The following SYT7 variants were observed in gnomAD, a reference collection of about 807,000 sequenced individuals.
The protein encoded by SYT7 is synaptotagmin 7.
In SYT7, 29 loss-of-function variants were observed where a neutral mutation model predicts 75.1. The observed-to-expected ratio is 0.39, with a 90% CI of 0.29 to 0.53. SYT7 has a LOEUF of 0.53. Among genes scored for constraint, SYT7 ranks in the 20% least tolerant of loss-of-function variants. The pLI is 0.77. For synonymous variants in SYT7, 376 were observed against 401.7 expected, an observed-to-expected ratio of 0.94 and a Z score of 0.76; for missense variants, 693 against 953.2, an observed-to-expected ratio of 0.73 and a Z score of 3.59.
At chr11:61,569,241 C>A (rs988489949) in intron 1 of SYT7, among the ~76,000 whole-genome samples, 2 of 152,204 alleles carry the variant, frequency 1.3e-5, no homozygotes, top group Non-Finnish European at 2.9e-5. Context: ...CGGCCCTGGA[C>A]TGACCCTTTT....
At position 61,581,007 on chromosome 11, in the gene SYT7, C is replaced by G. The variant is rs1460825671; in HGVS notation, c.-187G>C. 3.2e-6 allele frequency: 3 copies of G among 945,090 alleles called. No homozygotes were observed. The African/African-American group carries it at 5.4e-5, about 17-fold the overall frequency. 58.5% of individuals were successfully genotyped at this position (945,090 alleles called of 1,614,324 possible). ...CCGCCCGCCAGCCCTCCCGCCCGCC[C>G]GCGGAGCACGCTGCCGCCGCCGCCG... is the stretch of plus-strand genomic sequence containing the variant. On this transcript the variant is annotated 5_prime_UTR_variant, in exon 1 of 13. Coordinates refer to ENST00000539008, the MANE Select transcript of SYT7 (RefSeq NM_001365809.2).
Position 61,556,188 on chromosome 11 carries a change from G to A in SYT7, c.51C>T (p.Val17=). The A allele has an allele frequency of 1.9e-6, 3 of 1,613,738 alleles. No homozygotes were observed. Among genetic ancestry groups the A allele is most frequent in the Non-Finnish European group, 2.5e-6 (3 of 1,179,884 alleles). The change falls in exon 2 of 13, where the codon GTC becomes GTT. Residue 17 remains valine (V), a synonymous_variant. Coordinates refer to ENST00000539008, the MANE Select transcript of SYT7 (RefSeq NM_001365809.2). ...CGGTGATGATGGCAGAGACCAGCAGGACGTCGCGCGAGGGCGCCCCTGGGG... is the reference window on the plus strand; with the variant it reads ...CGGTGATGATGGCAGAGACCAGCAGAACGTCGCGCGAGGGCGCCCCTGGGG... The part of the protein sequence containing the change: ...AASPGAPSRD[V]LLVSAIITVS...
chr11:61,567,335 A>G (rs2063796645), intron 1 of SYT7, among the ~76,000 whole-genome samples: 1 of 142,270 alleles, frequency 7.0e-6, no homozygotes, highest in African/African-American at 3.1e-5. Context: ...GGAGCCATTG[A>G]GCGCCCCGCC....
intron 12 of SYT7, among the ~76,000 whole-genome samples, chr11:61,521,631 T>C (rs984829728): frequency 2.0e-5 from 3 of 152,172 alleles, no homozygotes; most frequent in Non-Finnish European, 4.4e-5. Context: ...AGGTGAGTTC[T>C]CCATTCCCAT....
the SYT7 span, among the ~76,000 whole-genome samples, chr11:61,588,140 G>A: frequency 6.6e-6 from 1 of 152,172 alleles, no homozygotes; most frequent in African/African-American, 2.4e-5. Flanking sequence ...CACTCCGAGA[G>A]CTGGGCGAGT....
At position 61,536,861 on chromosome 11, in the gene SYT7, G is replaced by A. The variant is rs189322627; in HGVS notation, c.1064+1283C>T. On this transcript the variant is annotated intron_variant, in intron 7 of 12. Coordinates refer to ENST00000539008, the MANE Select transcript of SYT7 (RefSeq NM_001365809.2). ...GGACAGTCCCTTCTGGCCCCTAGGG[G>A]CCTCTCAAGAGCCTCAGGATGGCCT... Among the ~76,000 whole-genome samples, 211 of 152,288 alleles carry A rather than the reference G, an allele frequency of 1.4e-3. 3 individuals are homozygous for A. Among genetic ancestry groups the A allele is most frequent in the Middle Eastern group, 3.4e-3 (1 of 294 alleles).
chr11:61,566,825 G>C (rs2063782003), intron 1 of SYT7, among the ~76,000 whole-genome samples: 1 of 152,214 alleles, frequency 6.6e-6, no homozygotes, highest in South Asian at 2.1e-4. Flanking sequence ...GGAACTGTAT[G>C]CTATGTTTCA....
Position 61,514,396 on chromosome 11 carries a change from G to A in SYT7, c.*4231C>T, listed in dbSNP as rs1043300475. On this transcript the variant is annotated 3_prime_UTR_variant, in exon 13 of 13. Transcript: ENST00000539008. ...TGGATGGGGTACTTAGTGCAGCTCC[G>A]GGAGGCAGCTGCTGGCCCCAAGTGC... Among the ~76,000 whole-genome samples the A allele has an allele frequency of 1.5e-4, 23 of 152,328 alleles. No homozygotes were observed. The East Asian group carries it at 1.7e-3, about 12-fold the overall frequency.
At chr11:61,586,429 G>A in the SYT7 span, among the ~76,000 whole-genome samples, 1 of 152,180 alleles carries the variant, frequency 6.6e-6, no homozygotes, top group Non-Finnish European at 1.5e-5. Context: ...GATGCACTGT[G>A]GAAGCACCTC....
In SYT7 at chr11:61,546,804, C is replaced by G. The variant is rs916151972; in HGVS notation, c.347+373G>C. ...CGACCACCGAGCAGCCACGGCAGCA[C>G]ACAGCGGGGAGGAAGAAGCGACCAC... is the stretch of plus-strand genomic sequence containing the variant. On this transcript the variant is annotated intron_variant, in intron 4 of 12. Transcript: ENST00000539008. The surrounding 1 kb of genome is among the most constrained non-coding windows in gnomAD (Gnocchi z 7.6). The G allele has an allele frequency of 1.3e-5, 5 of 374,414 alleles. No homozygotes were observed. Among genetic ancestry groups the G allele is most frequent in the South Asian group, 1.0e-4 (5 of 49,562 alleles). 23.2% of individuals were successfully genotyped at this position (374,414 alleles called of 1,614,324 possible). A position where few individuals can be genotyped will look rare whatever the true frequency, so the allele number is the denominator to read the frequency against.
chr11:61,547,682 G>C (rs928982210), intron 3 of SYT7, among the ~76,000 whole-genome samples: 4 of 151,934 alleles, frequency 2.6e-5, no homozygotes, highest in Admixed American at 6.6e-5. Flanking sequence ...TGGGGATGAG[G>C]CCTGGGGTGA....
rs984243841 is a variant in SYT7, at chr11:61,542,714, C to T, written c.573-135G>A. ...CTGCCGGACCTCGCCAGGCCTCCATCGGAGCTGTCGCCACCGCCGTCGCCG... is the reference window on the plus strand; with the variant it reads ...CTGCCGGACCTCGCCAGGCCTCCATTGGAGCTGTCGCCACCGCCGTCGCCG... On this transcript the variant is annotated intron_variant, in intron 5 of 12. Coordinates refer to ENST00000539008, the MANE Select transcript of SYT7 (RefSeq NM_001365809.2). The surrounding 1 kb of genome is among the most constrained non-coding windows in gnomAD (Gnocchi z 7.8). The T allele has an allele frequency of 2.2e-6, 3 of 1,361,312 alleles. No homozygotes were observed. Among genetic ancestry groups the T allele is most frequent in the East Asian group, 2.9e-5 (1 of 33,982 alleles). 84.3% of individuals were successfully genotyped at this position (1,361,312 alleles called of 1,614,324 possible).
rs1171498409 is a variant in SYT7 at position 61,524,434 on chromosome 11, G to C, written c.1570C>G (p.Pro524Ala). 2 of 1,614,020 alleles carry C rather than the reference G, an allele frequency of 1.2e-6. No homozygotes were observed. Among genetic ancestry groups the C allele is most frequent in the Non-Finnish European group, 1.7e-6 (2 of 1,179,930 alleles). ...TGGGTCAGGTCCACCTTGTTAAGGG[G>C]GATGGACACCTCCCCAATGGGGTCG... is the stretch of plus-strand genomic sequence containing the variant. ...RNDPIGEVSI[P>A]LNKVDLTQMQ... The change falls in exon 10 of 13, where the codon CCC (proline) becomes GCC (alanine). Residue 524 changes from proline (P) to alanine (A), a missense_variant. By Grantham distance (27) the Pro-to-Ala change is conservative (BLOSUM62 -1). Coordinates refer to ENST00000539008, the MANE Select transcript of SYT7 (RefSeq NM_001365809.2). This position sits in a 1 kb window ranked among gnomAD's most constrained non-coding sequence, Gnocchi z 4.1.
In SYT7 at chr11:61,542,542, C is replaced by G; in HGVS notation, c.610G>C (p.Glu204Gln). Residue 204 changes from glutamate to glutamine, a missense_variant, in exon 6 of 13, where the codon GAG (glutamate) becomes CAG (glutamine). By Grantham distance (29) the Glu-to-Gln change is conservative. This residue lies in a region of SYT7 where 487 missense variants were observed against 593.2 expected (regional missense o/e 0.82). Transcript: ENST00000539008. The surrounding 1 kb of genome is among the most constrained non-coding windows in gnomAD (Gnocchi z 7.8). The stretch of plus-strand genomic sequence containing the variant: ...TCTCCCGTGGAGCTGGGGATAGACT[C>G]AAGGGTAGTGGCCGTGGACAGGGTG... The part of the protein sequence containing the change: ...DSTLSTATTL[E>Q]SIPSSTGEPK... 1 of 1,525,908 alleles carries G rather than the reference C, an allele frequency of 6.6e-7. No homozygotes were observed. Among genetic ancestry groups the G allele is most frequent in the Non-Finnish European group, 8.8e-7 (1 of 1,141,004 alleles). 94.5% of individuals were successfully genotyped at this position (1,525,908 alleles called of 1,614,324 possible).
At position 61,513,812 on chromosome 11, in the gene SYT7, C is replaced by T. The variant is rs954735509; in HGVS notation, c.*4815G>A. On this transcript the variant is annotated 3_prime_UTR_variant, in exon 13 of 13. Coordinates refer to ENST00000539008, the MANE Select transcript of SYT7 (RefSeq NM_001365809.2). ...CTGCCCAGGGGGCTCACAATCTACA[C>T]AAGACACGACACATACACGCAGGAC... Among the ~76,000 whole-genome samples, 1 of 152,328 alleles carries T rather than the reference C, an allele frequency of 6.6e-6. No individual in the cohort carries two copies. The highest frequency in any genetic ancestry group is 1.9e-4 in the East Asian group (1 of 5,178).
At chr11:61,520,324 G>A (rs2062281663) in intron 12 of SYT7, among the ~76,000 whole-genome samples, 1 of 152,036 alleles carries the variant, frequency 6.6e-6, no homozygotes, top group African/African-American at 2.4e-5. Flanking sequence ...AGGAGTTTGA[G>A]ACCAGATTGG....
chr11:61,529,170 G>A (rs1321967483), intron 8 of SYT7, among the ~76,000 whole-genome samples: 2 of 152,096 alleles, frequency 1.3e-5, no homozygotes, highest in Non-Finnish European at 2.9e-5. Flanking sequence ...AAAATCTCCC[G>A]TGATGACTGG....
Position 61,517,084 on chromosome 11 carries a change from A to C in SYT7, c.*1543T>G. On this transcript the variant is annotated 3_prime_UTR_variant, in exon 13 of 13. Transcript: ENST00000539008. The stretch of plus-strand genomic sequence containing the variant: ...AACTGGGGGCTAAGACCACGGCCAC[A>C]GACTGTGGGGGCCTGGCGCCACCTG... 1 of 394,382 alleles carries C rather than the reference A, an allele frequency of 2.5e-6. No homozygotes were observed. The highest frequency in any genetic ancestry group is 4.5e-6 in the Non-Finnish European group (1 of 223,870). The allele number at this position is 394,382 out of a possible 1,614,324, so 24.4% of individuals were successfully genotyped here. A position where few individuals can be genotyped will look rare whatever the true frequency, so the allele number is the denominator to read the frequency against.
rs1374928878 is a variant in SYT7 at position 61,538,253 on chromosome 11, C to A, written c.955G>T (p.Val319Leu). ...DMKSFLEGRM[V>L]VLSLVLGLSE... The stretch of plus-strand genomic sequence containing the variant: ...AGCCCTAAGACCAAGGATAGCACCA[C>A]CATCCGGCCTTCCCTGCCCGGGGAG... Residue 319 changes from valine to leucine, a missense_variant, in exon 7 of 13, where the codon GTG (valine) becomes TTG (leucine). Around this residue, in one of 2 missense-constraint regions of SYT7, gnomAD observed 487 missense variants for 593.2 expected, o/e 0.82. Coordinates refer to ENST00000539008, the MANE Select transcript of SYT7 (RefSeq NM_001365809.2). 6.5e-7 allele frequency: 1 copy of A among 1,535,512 alleles called. No homozygotes were observed. The highest frequency in any genetic ancestry group is 8.7e-7 in the Non-Finnish European group (1 of 1,146,622).
Sources: allele counts gnomAD v4.1 joint callset (sites outside exome capture counted in the v4.1 genomes callset), GRCh38; gene constraint gnomAD v4.1.1; regional missense constraint gnomAD v4.1.1; non-coding constraint Gnocchi (gnomAD v3.1); transcripts MANE v1.5; gene names NCBI Gene and HGNC (gene_info 2026-07-23, HGNC 2026-07-21).